RAB1B: variants seen among roughly 807,000 people sequenced by gnomAD.
The protein encoded by RAB1B is RAB1B, member RAS oncogene family, also known as ras-related protein Rab-1B.
RAB1B carries 10 observed loss-of-function variants against 24.8 expected under a neutral mutation model. The ratio of observed to expected loss-of-function variants is 0.40; its 90% CI spans 0.25 to 0.68. The LOEUF is 0.68. Ranked by LOEUF, RAB1B falls within the 30% of genes least tolerant of loss-of-function variation. The pLI is 0.37. For synonymous variants in RAB1B, 99 were observed against 111.7 expected (o/e 0.89, Z 0.72); for missense variants, 154 against 271.2 (o/e 0.57, Z 3.04).
rs1288855090 is a variant in RAB1B, at chr11:66,277,233, G to C, written c.*995G>C. Reference sequence around the variant, plus strand: ...CTGCCCTCTGGCACAGCTGCTTCCTGCAAGAAAGCAAGTCTTTGGTCTCCC... The same window carrying C: ...CTGCCCTCTGGCACAGCTGCTTCCTCCAAGAAAGCAAGTCTTTGGTCTCCC... On this transcript the variant is annotated 3_prime_UTR_variant, in exon 6 of 6. Transcript: ENST00000311481. 6.5e-6 allele frequency: 1 copy of C among 152,798 alleles called. No individual in the cohort carries two copies. Among genetic ancestry groups the C allele is most frequent in the Non-Finnish European group, 1.5e-5 (1 of 68,172 alleles). The allele number at this position is 152,798 out of a possible 1,614,324, so 9.5% of individuals were successfully genotyped here. A position where few individuals can be genotyped will look rare whatever the true frequency, so the allele number is the denominator to read the frequency against.
intron 5 of RAB1B, 41 bp downstream of exon 5, chr11:66,275,976 G>T (rs1168757594): frequency 2.1e-5 from 34 of 1,607,598 alleles, no homozygotes; most frequent in Non-Finnish European, 2.8e-5. Flanking sequence ...GGGCGCTGGG[G>T]CCTGCTGCCC....
rs143206894 is a variant in RAB1B at position 66,275,847 on chromosome 11, G to T, written c.323G>T (p.Arg108Leu). ...AAGCAGTGGCTGCAGGAGATTGACC[G>T]CTATGCCAGCGAGAACGTCAATAAG... ...NVKQWLQEID[R>L]YASENVNKLL... The change falls in exon 5 of 6, where the codon CGC becomes CTC. Residue 108 changes from arginine to leucine, a missense_variant. Physicochemically the swap from Arg to Leu is moderately radical, Grantham distance 102. Around this residue, in one of 2 missense-constraint regions of RAB1B, gnomAD observed 77 missense variants for 173.4 expected, o/e 0.44. Transcript: ENST00000311481. 3 of 1,595,658 alleles carry T rather than the reference G, an allele frequency of 1.9e-6. No individual in the cohort carries two copies. The highest frequency in any genetic ancestry group is 2.6e-6 in the Non-Finnish European group (3 of 1,172,750).
intron 1 of RAB1B, 153 bp from the exon 2 acceptor site, chr11:66,271,644 C>G: frequency 1.7e-6 from 1 of 598,352 alleles, no homozygotes; most frequent in Non-Finnish European, 3.0e-6. Context: ...GCACTGTAGC[C>G]TGGGTGACAG....
Position 66,272,448 on chromosome 11 carries a change from C to T in RAB1B, c.267C>T (p.Asp89=). The part of the protein sequence containing the change: ...RGAHGIIVVY[D]VTDQESYANV... ...CTCATGGCATCATCGTGGTGTATGA[C>T]GTCACTGACCAGGTACTCCTGGACT... Residue 89 remains aspartate, a synonymous_variant, in exon 4 of 6, where the codon GAC becomes GAT. Coordinates refer to ENST00000311481, the MANE Select transcript of RAB1B (RefSeq NM_030981.3). 3 of 1,590,932 alleles carry T rather than the reference C, an allele frequency of 1.9e-6. No individual in the cohort carries two copies. Among genetic ancestry groups the T allele is most frequent in the Non-Finnish European group, 2.6e-6 (3 of 1,166,654 alleles).
chr11:66,272,708 T>C, intron 4 of RAB1B: 1 of 332,446 alleles, frequency 3.0e-6, no homozygotes, highest in Non-Finnish European at 5.5e-6. Flanking sequence ...GGACAAGGCC[T>C]CACACCTTCC....
intron 1 of RAB1B, 51 bp downstream of exon 1, chr11:66,268,744 G>A (rs748192286): frequency 6.5e-7 from 1 of 1,529,076 alleles, no homozygotes; most frequent in South Asian, 1.2e-5. Context: ...CCCGAATACA[G>A]GGCTGTACGC....
chr11:66,269,114 C>T (rs931943617), intron 1 of RAB1B, among the ~76,000 whole-genome samples: 6 of 152,052 alleles, frequency 3.9e-5, no homozygotes, highest in African/African-American at 1.4e-4. Context: ...GGCAGTGAAT[C>T]CCTCTACCCT....
At chr11:66,272,021 G>T in intron 2 of RAB1B, 136 bp from the exon 3 acceptor site, 1 of 950,818 alleles carries the variant, frequency 1.1e-6, no homozygotes, top group Non-Finnish European at 1.7e-6. Flanking sequence ...GAACAAGACA[G>T]GGCTGGCCAG....
Position 66,273,824 on chromosome 11 carries a change from C to T in RAB1B, c.279+1364C>T, listed in dbSNP as rs145963503. Among the ~76,000 whole-genome samples, 1,466 of 152,176 alleles carry T rather than the reference C, an allele frequency of 9.6e-3. 19 individuals are homozygous for T. Among genetic ancestry groups the T allele is most frequent in the Middle Eastern group, 0.024 (7 of 294 alleles). ...GGAGAGGTGTTAAGTAACTTGCCAC[C>T]GGTCTCACGGGAAGGGCAAAGCCAG... On this transcript the variant is annotated intron_variant, in intron 4 of 5. Coordinates refer to ENST00000311481, the MANE Select transcript of RAB1B (RefSeq NM_030981.3).
At chr11:66,272,306 G>C in intron 3 of RAB1B, 54 bp downstream of exon 3, 1 of 1,600,054 alleles carries the variant, frequency 6.2e-7, no homozygotes, top group East Asian at 2.2e-5. Flanking sequence ...CCTTGGGAGG[G>C]AAGGGACTCT....
In RAB1B at chr11:66,276,283, G is replaced by T. The variant is rs1369010489; in HGVS notation, c.*45G>T. On this transcript the variant is annotated 3_prime_UTR_variant, in exon 6 of 6. Coordinates refer to ENST00000311481, the MANE Select transcript of RAB1B (RefSeq NM_030981.3). ...ACAGGAGGGGGCACCTTCTCCAGATGATGTCCCTGGAGGGGGCAGGAGGTA... is the reference window on the plus strand; with the variant it reads ...ACAGGAGGGGGCACCTTCTCCAGATTATGTCCCTGGAGGGGGCAGGAGGTA... 9 of 1,498,614 alleles carry T rather than the reference G, an allele frequency of 6.0e-6. No individual in the cohort carries two copies. The highest frequency in any genetic ancestry group is 7.1e-6 in the Non-Finnish European group (8 of 1,123,496). The allele number at this position is 1,498,614 out of a possible 1,614,324, so 92.8% of individuals were successfully genotyped here.
intron 1 of RAB1B, 50 bp from the exon 2 acceptor site, chr11:66,271,747 G>A (rs370907272): frequency 7.6e-5 from 98 of 1,296,018 alleles, no homozygotes; most frequent in East Asian, 6.0e-4. Context: ...CAGGATGATG[G>A]TAGGTGGGCT....
At chr11:66,274,766 T>C (rs1857114950) in intron 4 of RAB1B, among the ~76,000 whole-genome samples, 1 of 100,964 alleles carries the variant, frequency 9.9e-6, no homozygotes, top group African/African-American at 3.9e-5. Context: ...ACTCCCCCAT[T>C]CCCCCTCCCT....
rs1185506117 is a variant in RAB1B at position 66,276,135 on chromosome 11, A to G, written c.503A>G (p.Glu168Gly). The G allele has an allele frequency of 1.2e-6, 2 of 1,613,562 alleles. No individual in the cohort carries two copies. The highest frequency in any genetic ancestry group is 1.7e-5 in the Admixed American group (1 of 59,874). The change falls in exon 6 of 6, where the codon GAA becomes GGA. Residue 168 changes from glutamate (E) to glycine (G), a missense_variant. Transcript: ENST00000311481. ...VEQAFMTMAA[E>G]IKKRMGPGAA... Reference sequence around the variant, plus strand: ...CAGGCGTTCATGACCATGGCTGCTGAAATCAAAAAGCGGATGGGGCCTGGA... The same window carrying G: ...CAGGCGTTCATGACCATGGCTGCTGGAATCAAAAAGCGGATGGGGCCTGGA...
At chr11:66,272,611 A>AT (rs1590885053) in intron 4 of RAB1B, 151 bp downstream of exon 4, 1 of 559,848 alleles carries the variant, frequency 1.8e-6, no homozygotes, top group Non-Finnish European at 3.2e-6. Flanking sequence ...AAGAAAAAAA[A>AT]TAGGTGACTG....
intron 4 of RAB1B, among the ~76,000 whole-genome samples, 165 bp from the exon 5 acceptor site, chr11:66,275,639 A>G (rs554063090): frequency 6.4e-4 from 97 of 151,996 alleles, no homozygotes; most frequent in African/African-American, 2.3e-3. Context: ...GGCAGGGAGG[A>G]AGGTTCAGCC....
intron 1 of RAB1B, among the ~76,000 whole-genome samples, chr11:66,269,654 A>G (rs1374510955): frequency 1.3e-5 from 2 of 152,192 alleles, no homozygotes; most frequent in Non-Finnish European, 2.9e-5. Flanking sequence ...GGGACTTTGG[A>G]GTCTGAGAAA....
intron 4 of RAB1B, among the ~76,000 whole-genome samples, chr11:66,275,484 C>G (rs2134867122): frequency 6.6e-6 from 1 of 152,310 alleles, no homozygotes; most frequent in South Asian, 2.1e-4. Flanking sequence ...CTCTTTGCTT[C>G]TCACATGTGG....
chr11:66,276,371 C>T lies in RAB1B; in HGVS notation c.*133C>T, dbSNP rs1388111981. ...CTTTGGGGTGTCCTGGGCTCCCCAT[C>T]TCCTTCTGGCCCATCTGCCTGCTGC... On this transcript the variant is annotated 3_prime_UTR_variant, in exon 6 of 6. Coordinates refer to ENST00000311481, the MANE Select transcript of RAB1B (RefSeq NM_030981.3). 7 of 850,222 alleles carry T rather than the reference C, an allele frequency of 8.2e-6. No homozygotes were observed. The highest frequency in any genetic ancestry group is 1.2e-5 in the Non-Finnish European group (7 of 577,188). The allele number at this position is 850,222 out of a possible 1,614,324, so 52.7% of individuals were successfully genotyped here.
Sources: allele counts gnomAD v4.1 joint callset (sites outside exome capture counted in the v4.1 genomes callset), GRCh38; gene constraint gnomAD v4.1.1; regional missense constraint gnomAD v4.1.1; transcripts MANE v1.5; gene names NCBI Gene and HGNC (gene_info 2026-07-23, HGNC 2026-07-21).